Variants in TM4SF20 observed in about 807,000 individuals in gnomAD.
TM4SF20 encodes the protein transmembrane 4 L6 family member 20.
Under a neutral mutation model 15.1 loss-of-function variants are expected in TM4SF20, and 13 were observed. The observed-to-expected ratio is 0.86, with a 90% CI of 0.56 to 1.36. The LOEUF (loss-of-function observed/expected upper bound fraction) is 1.36. Among genes scored for constraint, TM4SF20 ranks in the 40% most tolerant of loss-of-function variants. TM4SF20 has a pLI of 0.00. For missense variants in TM4SF20, 282 were observed against 268.4 expected (o/e 1.05, Z -0.35); for synonymous variants, 92 against 96.6 (o/e 0.95, Z 0.28).
At chr2:227,370,134 T>TG (rs1440026528) in intron 2 of TM4SF20, among the ~76,000 whole-genome samples, 2 of 152,202 alleles carry the variant, frequency 1.3e-5, no homozygotes, top group Non-Finnish European at 2.9e-5. Context: ...TTAAATGTTT[T>TG]GGGGGAAAAA....
At chr2:227,367,943 T>C (rs1450393767) in intron 2 of TM4SF20, among the ~76,000 whole-genome samples, 2 of 152,076 alleles carry the variant, frequency 1.3e-5, no homozygotes, top group Non-Finnish European at 2.9e-5. Context: ...TCCTGATTCT[T>C]CCATGCTACT....
intron 2 of TM4SF20, among the ~76,000 whole-genome samples, chr2:227,369,177 CTA>C (rs2076408255): frequency 6.6e-6 from 1 of 152,056 alleles, no homozygotes; most frequent in Non-Finnish European, 1.5e-5. Flanking sequence ...CAAAAATAGA[CTA>C]GAACTAATTA....
intron 1 of TM4SF20, among the ~76,000 whole-genome samples, chr2:227,376,241 A>G (rs2076450015): frequency 6.6e-6 from 1 of 152,240 alleles, no homozygotes; most frequent in Admixed American, 6.5e-5. Context: ...AAGAACTATG[A>G]CCAAAGTGCT....
At chr2:227,370,835 G>A (rs1008410348) in intron 2 of TM4SF20, 80 bp downstream of exon 2, 19 of 1,132,540 alleles carry the variant, frequency 1.7e-5, no homozygotes, top group Admixed American at 1.2e-4. Flanking sequence ...CGGTAGATGC[G>A]AGTGACTCAG....
In TM4SF20 at chr2:227,366,313, C is replaced by T. The variant is rs1017407977; in HGVS notation, c.250-69G>A. 8.0e-5 allele frequency: 109 copies of T among 1,368,174 alleles called. 5 individuals are homozygous for T. Among genetic ancestry groups the T allele is most frequent in the Middle Eastern group, 1.9e-4 (1 of 5,382 alleles). 84.8% of individuals were successfully genotyped at this position (1,368,174 alleles called of 1,614,324 possible). A position where few individuals can be genotyped will look rare whatever the true frequency, so the allele number is the denominator to read the frequency against. Reference sequence around the variant, plus strand: ...CTTGATCTGTTTCAAGCTTCAGGAGCGTATACAGTCTTTTTTAAATCCAGT... The same window carrying T: ...CTTGATCTGTTTCAAGCTTCAGGAGTGTATACAGTCTTTTTTAAATCCAGT... On this transcript the variant is annotated intron_variant, in intron 2 of 3. Transcript: ENST00000304568.
In TM4SF20 at chr2:227,374,305, A is replaced by G. The variant is rs138796856; in HGVS notation, c.184-3325T>C. Among the ~76,000 whole-genome samples the G allele has an allele frequency of 2.6e-5, 4 of 152,328 alleles. No individual in the cohort carries two copies. The East Asian group carries it at 5.8e-4, about 22-fold the overall frequency. On this transcript the variant is annotated intron_variant, in intron 1 of 3. Coordinates refer to ENST00000304568, the MANE Select transcript of TM4SF20 (RefSeq NM_024795.4). ...TATAAGTCACCACCCCACCGACTTC[A>G]AGGCGTATTAACACATCTTTGTAAT... is the stretch of plus-strand genomic sequence containing the variant.
upstream of TM4SF20, among the ~76,000 whole-genome samples, chr2:227,381,136 G>A (rs34774055): frequency 0.071 from 10,820 of 152,022 alleles, 514 homozygotes; most frequent in Admixed American, 0.12. Context: ...AATTAGCTGG[G>A]TGTGGTGGCA....
In TM4SF20 at chr2:227,370,917, C is replaced by T. The variant is rs771570408; in HGVS notation, c.247G>A (p.Gly83Arg). 25 of 1,613,758 alleles carry T rather than the reference C, an allele frequency of 1.5e-5. No individual in the cohort carries two copies. The highest frequency in any genetic ancestry group is 2.0e-5 in the Non-Finnish European group (24 of 1,179,846). Residue 83 changes from glycine (G) to arginine (R), a missense_variant and splice_region_variant, in exon 2 of 4, where the codon GGA becomes AGA. Transcript: ENST00000304568. ...CACGCCGACTGCTTCATACTTACTCCAGTTCTGTTGTTGCAGCACGCTCTT... is the reference window on the plus strand; with the variant it reads ...CACGCCGACTGCTTCATACTTACTCTAGTTCTGTTGTTGCAGCACGCTCTT... Reference protein sequence around the residue: ...RKRACCNNRTGMFLSSLFSVI... With the variant: ...RKRACCNNRTRMFLSSLFSVI...
Position 227,371,525 on chromosome 2 carries a change from T to A in TM4SF20, c.184-545A>T, listed in dbSNP as rs551337544. Among the ~76,000 whole-genome samples, 17 of 152,298 alleles carry A rather than the reference T, an allele frequency of 1.1e-4. 2 individuals carry two copies. The highest frequency in any genetic ancestry group is 3.6e-4 in the African/African-American group (15 of 41,552). On this transcript the variant is annotated intron_variant, in intron 1 of 3. Transcript: ENST00000304568. ...CTGGCTAATTTTAAAAATATTTTTG[T>A]AGAAGCAAGATCTCACTCTGTTGCC...
upstream of TM4SF20, among the ~76,000 whole-genome samples, chr2:227,380,541 C>G (rs2076474964): frequency 6.6e-6 from 1 of 152,138 alleles, no homozygotes; most frequent in Non-Finnish European, 1.5e-5. Flanking sequence ...CCAGAAGCGA[C>G]CCACATCACT....
Position 227,363,431 on chromosome 2 carries a change from AAG to A in TM4SF20, c.*291_*292del. Reference sequence around the variant, plus strand: ...ACCCTGTCTCAAAAAAAAAAAAAAAAAGTCCTGTACTTTTATTTTCAGGATGA... The same window carrying A: ...ACCCTGTCTCAAAAAAAAAAAAAAAATCCTGTACTTTTATTTTCAGGATGA... On this transcript the variant is annotated 3_prime_UTR_variant, in exon 4 of 4. Transcript: ENST00000304568. 2 of 227,464 alleles carry A rather than the reference AAG, an allele frequency of 8.8e-6. No individual in the cohort carries two copies. Among genetic ancestry groups the A allele is most frequent in the Non-Finnish European group, 1.7e-5 (2 of 115,824 alleles). 14.1% of individuals were successfully genotyped at this position (227,464 alleles called of 1,614,324 possible). A position where few individuals can be genotyped will look rare whatever the true frequency, so the allele number is the denominator to read the frequency against.
rs199839744 is a variant in TM4SF20, at chr2:227,363,902, C to T, written c.512G>A (p.Arg171Lys). 197 of 1,614,182 alleles carry T rather than the reference C, an allele frequency of 1.2e-4. 4 individuals are homozygous for T. The Admixed American group carries it at 2.9e-3, about 24-fold the overall frequency. ...TSNDTMASGW[R>K]ASSFHFDSEE... is the part of the protein sequence containing the mutation. ...AGAATCGAAGTGGAAACTAGATGCTCTCCAGCCACTCGCCATGGTGTCGTT... is the reference window on the plus strand; with the variant it reads ...AGAATCGAAGTGGAAACTAGATGCTTTCCAGCCACTCGCCATGGTGTCGTT... Residue 171 changes from arginine to lysine, a missense_variant, in exon 4 of 4, where the codon AGA becomes AAA. Arg to Lys is a conservative substitution (Grantham distance 26). Transcript: ENST00000304568.
intron 3 of TM4SF20, among the ~76,000 whole-genome samples, chr2:227,364,935 C>G (rs921895520): frequency 2.6e-5 from 4 of 152,154 alleles, no homozygotes; most frequent in African/African-American, 9.7e-5. Flanking sequence ...TTTTGAGACA[C>G]AGTCTCACTC....
At chr2:227,377,365 G>T (rs1197090123) in intron 1 of TM4SF20, among the ~76,000 whole-genome samples, 3 of 152,230 alleles carry the variant, frequency 2.0e-5, no homozygotes, top group Non-Finnish European at 4.4e-5. Flanking sequence ...ATGTACAGTT[G>T]CTTCATGCTG....
intron 1 of TM4SF20, among the ~76,000 whole-genome samples, chr2:227,378,606 T>A (rs1226512067): frequency 6.6e-6 from 1 of 152,186 alleles, no homozygotes; most frequent in Non-Finnish European, 1.5e-5. Context: ...TCCCTTCAGG[T>A]ACAGGCAATG....
intron 3 of TM4SF20, among the ~76,000 whole-genome samples, 185 bp from the exon 4 acceptor site, chr2:227,364,197 T>C (rs1030491724): frequency 2.6e-5 from 4 of 152,188 alleles, no homozygotes; most frequent in African/African-American, 9.7e-5. Flanking sequence ...TTTTATTACT[T>C]ATATAGCCCA....
At chr2:227,375,207 A>G (rs535335573) in intron 1 of TM4SF20, among the ~76,000 whole-genome samples, 73 of 152,134 alleles carry the variant, frequency 4.8e-4, no homozygotes, top group African/African-American at 1.7e-3. Flanking sequence ...GATTACAGGC[A>G]TAAGCCACCA....
At chr2:227,374,438 T>C (rs947961080) in intron 1 of TM4SF20, among the ~76,000 whole-genome samples, 52 of 150,550 alleles carry the variant, frequency 3.5e-4, no homozygotes, top group Admixed American at 2.7e-4. Context: ...GTGAATGGTG[T>C]GTGTGTGTGT....
chr2:227,381,193 CT>C (rs1198242616), upstream of TM4SF20, among the ~76,000 whole-genome samples: 4 of 152,068 alleles, frequency 2.6e-5, no homozygotes, highest in Non-Finnish European at 4.4e-5. Flanking sequence ...AGGAGAATCA[CT>C]TGAACCCAGA....
Sources: gnomAD v4.1 joint callset for allele counts (sites outside exome capture counted in the v4.1 genomes callset) on GRCh38, gnomAD v4.1.1 for gene constraint, MANE v1.5 for transcripts, NCBI Gene and HGNC (gene_info 2026-07-23, HGNC 2026-07-21) for gene names.